The following PPP1CB variants were observed in gnomAD, a reference collection of about 807,000 sequenced individuals.
PPP1CB encodes protein phosphatase 1 catalytic subunit beta.
Under a neutral mutation model 43.7 loss-of-function variants are expected in PPP1CB, and 2 were observed. The ratio of observed to expected loss-of-function variants is 0.05; its 90% CI spans 0.02 to 0.14. The LOEUF is 0.14. PPP1CB is among the 10% of genes least tolerant of loss of function. The probability of loss-of-function intolerance (pLI) is 1.00; values close to 1 mark genes in which losing one functional copy is unlikely to be tolerated. For missense variants in PPP1CB, 84 were observed against 398.0 expected, an observed-to-expected ratio of 0.21 and a Z score of 6.71; for synonymous variants, 136 against 135.6, an observed-to-expected ratio of 1.00 and a Z score of -0.02.
upstream of PPP1CB, chr2:28,751,797 C>A: frequency 2.4e-6 from 1 of 423,108 alleles, no homozygotes; most frequent in Non-Finnish European, 4.3e-6. Context: ...AGTGGCGCTG[C>A]GGGTGGGGCC....
intron 1 of PPP1CB, among the ~76,000 whole-genome samples, chr2:28,758,675 C>T (rs1666546444): frequency 1.3e-5 from 2 of 152,146 alleles, no homozygotes; most frequent in African/African-American, 4.8e-5. Context: ...GGAAAAAGGG[C>T]GGGGGCAGTT....
At chr2:28,789,053 A>T (rs1251658809) in intron 6 of PPP1CB, among the ~76,000 whole-genome samples, 2 of 152,092 alleles carry the variant, frequency 1.3e-5, no homozygotes, top group East Asian at 3.9e-4. Context: ...TTAACTTCAC[A>T]TAAGCCCTCT....
In PPP1CB at chr2:28,799,293, A is replaced by G. The variant is rs1667558955; in HGVS notation, c.974A>G (p.Lys325Arg). ...VTPPRTANPPKKR is the reference protein window; with the variant it reads ...VTPPRTANPPRKR ...CCACCTCGAACAGCTAATCCGCCGA[A>G]GAAAAGGTGAAGAAAGGAATTCTGT... The change falls in exon 8 of 8, where the codon AAG becomes AGG. Residue 325 changes from lysine to arginine, a missense_variant. This residue lies in a region of PPP1CB where 14 missense variants were observed against 30.9 expected (regional missense o/e 0.45). Coordinates refer to ENST00000395366, the MANE Select transcript of PPP1CB (RefSeq NM_002709.3). The G allele has an allele frequency of 6.3e-7, 1 of 1,597,932 alleles. No individual in the cohort carries two copies. The highest frequency in any genetic ancestry group is 1.1e-5 in the South Asian group (1 of 90,750).
At chr2:28,782,112 A>G in intron 4 of PPP1CB, 1 of 397,702 alleles carries the variant, frequency 2.5e-6, no homozygotes, top group South Asian at 3.2e-5. Context: ...TTTAACAGAA[A>G]GACACCCCTG....
At position 28,757,066 on chromosome 2, in the gene PPP1CB, CCCCCA is replaced by C. The variant is rs200704067; in HGVS notation, c.52+4892_52+4896del. ...CCCATTTCTCTCCATTCCCTCCCGG[CCCCCA>C]CTAATCTACTTTTTTTTGTCTCTTA... On this transcript the variant is annotated intron_variant, in intron 1 of 7. Coordinates refer to ENST00000395366, the MANE Select transcript of PPP1CB (RefSeq NM_002709.3). 6.5e-3 allele frequency among the ~76,000 whole-genome samples: 994 copies of C among 152,228 alleles called. 9 individuals carry two copies. Among genetic ancestry groups the C allele is most frequent in the African/African-American group, 0.022 (901 of 41,524 alleles).
intron 1 of PPP1CB, among the ~76,000 whole-genome samples, chr2:28,755,083 T>C (rs1294898229): frequency 6.6e-6 from 1 of 152,240 alleles, no homozygotes; most frequent in South Asian, 2.1e-4. Flanking sequence ...AGTTTTGCGC[T>C]TGTCACCCAG....
intron 5 of PPP1CB, among the ~76,000 whole-genome samples, chr2:28,784,409 C>T (rs1476818248): frequency 6.6e-6 from 1 of 151,884 alleles, no homozygotes; most frequent in Admixed American, 6.6e-5. Flanking sequence ...TTTCTATGTC[C>T]TCTATTTGAA....
In PPP1CB at chr2:28,763,743, C is replaced by T. The variant is rs144367891; in HGVS notation, c.52+11567C>T. Reference sequence around the variant, plus strand: ...GTTTTGAGACGGAGTCTCACTTTGTCACCCAGGCTGGAGTGCAGTGGCACC... The same window carrying T: ...GTTTTGAGACGGAGTCTCACTTTGTTACCCAGGCTGGAGTGCAGTGGCACC... On this transcript the variant is annotated intron_variant, in intron 1 of 7. Coordinates refer to ENST00000395366, the MANE Select transcript of PPP1CB (RefSeq NM_002709.3). Among the ~76,000 whole-genome samples the T allele has an allele frequency of 8.2e-3, 1,253 of 152,302 alleles. 14 individuals are homozygous for T. The highest frequency in any genetic ancestry group is 0.029 in the African/African-American group (1,186 of 41,576).
At chr2:28,763,457 A>AC (rs1666705364) in intron 1 of PPP1CB, among the ~76,000 whole-genome samples, 1 of 151,588 alleles carries the variant, frequency 6.6e-6, no homozygotes, top group Non-Finnish European at 1.5e-5. Flanking sequence ...AGTGGAAAAA[A>AC]AAAAAGTCCT....
chr2:28,800,099 A>G lies in PPP1CB; in HGVS notation c.*796A>G, dbSNP rs972708013. The G allele has an allele frequency of 6.6e-6, 1 of 152,412 alleles. No individual in the cohort carries two copies. The highest frequency in any genetic ancestry group is 1.5e-5 in the Non-Finnish European group (1 of 67,918). 9.4% of individuals were successfully genotyped at this position (152,412 alleles called of 1,614,324 possible). ...AGATAAGGCTCATATAGTATTACCC[A>G]ACTAGTTGGTAATGTGATTATGTGG... On this transcript the variant is annotated 3_prime_UTR_variant, in exon 8 of 8. Coordinates refer to ENST00000395366, the MANE Select transcript of PPP1CB (RefSeq NM_002709.3).
chr2:28,792,580 G>A (rs1245090649), intron 6 of PPP1CB, among the ~76,000 whole-genome samples: 1 of 152,140 alleles, frequency 6.6e-6, no homozygotes, highest in Non-Finnish European at 1.5e-5. Context: ...GCTATGTGGA[G>A]CAGGGGTCAC....
intron 5 of PPP1CB, among the ~76,000 whole-genome samples, chr2:28,787,450 C>G (rs944321026): frequency 4.6e-5 from 7 of 152,200 alleles, no homozygotes; most frequent in Non-Finnish European, 1.0e-4. Flanking sequence ...CAGAGCGAGA[C>G]TCCGTCTCAA....
chr2:28,762,477 T>G (rs1264050699), intron 1 of PPP1CB, among the ~76,000 whole-genome samples: 1 of 152,190 alleles, frequency 6.6e-6, no homozygotes, highest in Non-Finnish European at 1.5e-5. Context: ...ATACCTTGTT[T>G]TAGTTGAATA....
Position 28,801,370 on chromosome 2 carries a change from C to T in PPP1CB, c.*2067C>T, listed in dbSNP as rs1667612042. The T allele has an allele frequency of 6.6e-6, 1 of 151,628 alleles. No homozygotes were observed. Among genetic ancestry groups the T allele is most frequent in the Non-Finnish European group, 1.5e-5 (1 of 67,900 alleles). 9.4% of individuals were successfully genotyped at this position (151,628 alleles called of 1,614,324 possible). A position where few individuals can be genotyped will look rare whatever the true frequency, so the allele number is the denominator to read the frequency against. On this transcript the variant is annotated 3_prime_UTR_variant, in exon 8 of 8. Coordinates refer to ENST00000395366, the MANE Select transcript of PPP1CB (RefSeq NM_002709.3). The stretch of plus-strand genomic sequence containing the variant: ...GTATTAAACCACATTAATCTGTATC[C>T]CATTGTCTGGCTTTTGTAAATTCAT...
chr2:28,799,352 C>A lies in PPP1CB; in HGVS notation c.*49C>A. ...CATCAGATTTGTTAAGGACATACTT[C>A]ATAATATATAAGTGTGCACTGTAAA... On this transcript the variant is annotated 3_prime_UTR_variant, in exon 8 of 8. Transcript: ENST00000395366. The A allele has an allele frequency of 4.2e-6, 6 of 1,423,530 alleles. No homozygotes were observed. The highest frequency in any genetic ancestry group is 5.9e-6 in the Non-Finnish European group (6 of 1,009,676). The allele number at this position is 1,423,530 out of a possible 1,614,324, so 88.2% of individuals were successfully genotyped here. A position where few individuals can be genotyped will look rare whatever the true frequency, so the allele number is the denominator to read the frequency against.
At chr2:28,794,648 A>C (rs966535971) in intron 7 of PPP1CB, among the ~76,000 whole-genome samples, 4 of 151,994 alleles carry the variant, frequency 2.6e-5, no homozygotes, top group African/African-American at 9.7e-5. Flanking sequence ...CCGAGATTGC[A>C]CCACTGCACG....
At chr2:28,795,656 T>G (rs1034284335) in intron 7 of PPP1CB, among the ~76,000 whole-genome samples, 5 of 152,152 alleles carry the variant, frequency 3.3e-5, no homozygotes, top group African/African-American at 4.8e-5. Flanking sequence ...GGGGTTGTTT[T>G]TTGATTGTTG....
intron 1 of PPP1CB, among the ~76,000 whole-genome samples, chr2:28,771,802 A>G (rs1666919770): frequency 6.6e-6 from 1 of 152,228 alleles, no homozygotes; most frequent in South Asian, 2.1e-4. Flanking sequence ...ATATGTTTAG[A>G]GAAGGCAAGA....
rs1205316044 is a variant in PPP1CB, at chr2:28,776,863, G to A, written c.65G>A (p.Arg22His). The change falls in exon 2 of 8, where the codon CGT (arginine) becomes CAT (histidine). Residue 22 changes from arginine (R) to histidine (H), a missense_variant. Around this residue, in one of 5 missense-constraint regions of PPP1CB, gnomAD observed 27 missense variants for 42.7 expected, o/e 0.63. Coordinates refer to ENST00000395366, the MANE Select transcript of PPP1CB (RefSeq NM_002709.3). The part of the protein sequence containing the change: ...ITRLLEVRGC[R>H]PGKIVQMTEA... ...TATCGTTTGTCAGTACGAGGATGTC[G>A]TCCAGGAAAGATTGTGCAGATGACT... The A allele has an allele frequency of 2.5e-6, 4 of 1,611,238 alleles. No individual in the cohort carries two copies. The highest frequency in any genetic ancestry group is 2.5e-6 in the Non-Finnish European group (3 of 1,178,008).
Sources: allele counts gnomAD v4.1 joint callset (sites outside exome capture counted in the v4.1 genomes callset), GRCh38; gene constraint gnomAD v4.1.1; regional missense constraint gnomAD v4.1.1; transcripts MANE v1.5; gene names NCBI Gene and HGNC (gene_info 2026-07-23, HGNC 2026-07-21).